LEKR1: variants seen among roughly 807,000 people sequenced by gnomAD.
LEKR1 encodes the protein protein LEKR1.
A neutral mutation model predicts 72.4 loss-of-function variants in LEKR1; 59 were observed. The observed-to-expected ratio is 0.82, with a 90% CI of 0.66 to 1.01. LEKR1 has a LOEUF of 1.01. Among genes scored for constraint, LEKR1 ranks in the 50% least tolerant of loss-of-function variants. LEKR1 has a pLI of 0.00. For synonymous variants in LEKR1, 257 were observed against 263.2 expected, an observed-to-expected ratio of 0.98 and a Z score of 0.23; for missense variants, 728 against 759.2, an observed-to-expected ratio of 0.96 and a Z score of 0.48.
chr3:156,858,588 C>G (rs912617887), intron 3 of LEKR1, among the ~76,000 whole-genome samples: 13 of 151,244 alleles, frequency 8.6e-5, no homozygotes, highest in African/African-American at 3.2e-4. Context: ...GTGGGAGAAT[C>G]GCTTGAACCT....
At chr3:156,871,329 G>A (rs1310326391) in intron 3 of LEKR1, among the ~76,000 whole-genome samples, 5 of 152,088 alleles carry the variant, frequency 3.3e-5, no homozygotes, top group African/African-American at 9.7e-5. Context: ...GTGTATATGT[G>A]CCACATTTTC....
intron 6 of LEKR1, among the ~76,000 whole-genome samples, chr3:156,953,509 A>C (rs933313082): frequency 6.6e-6 from 1 of 151,488 alleles, no homozygotes; most frequent in African/African-American, 2.4e-5. Flanking sequence ...TCCTCCCTTC[A>C]ACCCCCCAGT....
intron 9 of LEKR1, among the ~76,000 whole-genome samples, chr3:156,994,704 T>C (rs1401483721): frequency 6.6e-6 from 1 of 152,198 alleles, no homozygotes; most frequent in East Asian, 1.9e-4. Context: ...TTAAAATCAG[T>C]TATGTATTCT....
At chr3:156,925,313 G>A (rs1473721339) in intron 4 of LEKR1, 1 of 98,754 alleles carries the variant, frequency 1.0e-5, no homozygotes, top group Non-Finnish European at 2.3e-5. Flanking sequence ...TTGTGTGTGT[G>A]TGTGTGTGTG....
intron 9 of LEKR1, among the ~76,000 whole-genome samples, chr3:156,996,764 G>A (rs370524297): frequency 2.0e-5 from 3 of 152,140 alleles, no homozygotes; most frequent in African/African-American, 7.2e-5. Flanking sequence ...GTGAGCCTAA[G>A]GGTTAAAAAG....
chr3:156,971,321 C>T (rs1446992404), intron 6 of LEKR1, among the ~76,000 whole-genome samples: 4 of 152,134 alleles, frequency 2.6e-5, no homozygotes, highest in Admixed American at 2.0e-4. Flanking sequence ...CTTCCTTACA[C>T]CTTATACAAA....
intron 11 of LEKR1, 134 bp from the exon 12 acceptor site, chr3:157,027,969 G>C (rs1160190421): frequency 1.9e-6 from 1 of 525,592 alleles, no homozygotes; most frequent in African/African-American, 2.0e-5. Context: ...TTGAAGGCCT[G>C]CACATCATGG....
rs58950224 is a variant in LEKR1, at chr3:157,017,948, C to CAAAAAAAAAAAAAAAAAAAAAAAAA, written c.1203+6466_1203+6467insAAAAAAAAAAAAAAAAAAAAAAAAA. Among the ~76,000 whole-genome samples, 8 of 82,974 alleles carry CAAAAAAAAAAAAAAAAAAAAAAAAA rather than the reference C, an allele frequency of 9.6e-5. 1 individual carries two copies. Among genetic ancestry groups the CAAAAAAAAAAAAAAAAAAAAAAAAA allele is most frequent in the African/African-American group, 5.8e-4 (8 of 13,808 alleles). The allele number at this position is 82,974 out of a possible 152,430, so 54.4% of individuals were successfully genotyped here. On this transcript the variant is annotated intron_variant, in intron 10 of 12. Transcript: ENST00000356539. ...TGGGCCACAGAGCGAGACTCTGTCT[C>CAAAAAAAAAAAAAAAAAAAAAAAAA]AAAAAAAAAAAAAAAAAAAAAAAAG...
chr3:156,968,499 T>C (rs530128969), intron 6 of LEKR1, among the ~76,000 whole-genome samples: 49 of 152,186 alleles, frequency 3.2e-4, no homozygotes, highest in African/African-American at 1.1e-3. Context: ...AAACAAACTT[T>C]AAACCAACAA....
intron 12 of LEKR1, among the ~76,000 whole-genome samples, chr3:157,034,642 T>C (rs1220339099): frequency 1.3e-5 from 2 of 152,166 alleles, no homozygotes; most frequent in Non-Finnish European, 2.9e-5. Flanking sequence ...TGGAATATTA[T>C]ATAAAATTAG....
intron 3 of LEKR1, among the ~76,000 whole-genome samples, chr3:156,908,540 A>G (rs1722761805): frequency 6.6e-6 from 1 of 152,092 alleles, no homozygotes. Context: ...TGTTTTGGAC[A>G]TTAGTAGCTC....
intron 3 of LEKR1, among the ~76,000 whole-genome samples, chr3:156,892,052 A>T (rs940857919): frequency 3.3e-5 from 5 of 152,188 alleles, no homozygotes; most frequent in African/African-American, 1.2e-4. Flanking sequence ...ACCAAAAAAA[A>T]AAATCAGCAA....
intron 9 of LEKR1, 56 bp downstream of exon 9, chr3:156,993,333 T>A: frequency 8.7e-7 from 1 of 1,148,720 alleles, no homozygotes; most frequent in Non-Finnish European, 1.2e-6. Flanking sequence ...TAGTATTCCA[T>A]ATATATTTGC....
At chr3:156,836,063 G>A (rs1391185031) in intron 2 of LEKR1, among the ~76,000 whole-genome samples, 2 of 151,324 alleles carry the variant, frequency 1.3e-5, no homozygotes, top group African/African-American at 4.9e-5. Context: ...TAGTAGAGAG[G>A]GGCTTTCGTC....
chr3:157,007,424 A>G (rs1484539319), intron 9 of LEKR1, among the ~76,000 whole-genome samples: 2 of 152,228 alleles, frequency 1.3e-5, no homozygotes, highest in Non-Finnish European at 2.9e-5. Flanking sequence ...TACTGGAAGT[A>G]AAAAGAATCA....
At chr3:156,854,274 G>A (rs931422964) in intron 3 of LEKR1, among the ~76,000 whole-genome samples, 9 of 150,126 alleles carry the variant, frequency 6.0e-5, no homozygotes, top group African/African-American at 2.2e-4. Flanking sequence ...CTCACAAGTA[G>A]CTGGGATTAC....
At chr3:156,883,660 T>C (rs543717876) in intron 3 of LEKR1, among the ~76,000 whole-genome samples, 120 of 152,324 alleles carry the variant, frequency 7.9e-4, no homozygotes, top group African/African-American at 2.7e-3. Context: ...GATAGTTTTA[T>C]AAGGGGAAAC....
At chr3:156,988,974 G>A (rs1389867710) in intron 7 of LEKR1, among the ~76,000 whole-genome samples, 1 of 151,942 alleles carries the variant, frequency 6.6e-6, no homozygotes, top group Non-Finnish European at 1.5e-5. Context: ...TGAGATTACA[G>A]GTGCACACCA....
rs148892792 is a variant in LEKR1 at position 156,998,965 on chromosome 3, G to T, written c.1109+5688G>T. Among the ~76,000 whole-genome samples the T allele has an allele frequency of 2.5e-3, 387 of 152,296 alleles. 4 individuals are homozygous for T. Among genetic ancestry groups the T allele is most frequent in the African/African-American group, 8.8e-3 (365 of 41,570 alleles). On this transcript the variant is annotated intron_variant, in intron 9 of 12. Transcript: ENST00000356539. ...GTCATGGGAGGGACCCAGTGGTGGTGATTGAATCATGGGGGCAGTTACTCC... is the reference window on the plus strand; with the variant it reads ...GTCATGGGAGGGACCCAGTGGTGGTTATTGAATCATGGGGGCAGTTACTCC...
Sources: gnomAD v4.1 joint callset for allele counts (sites outside exome capture counted in the v4.1 genomes callset) on GRCh38, gnomAD v4.1.1 for gene constraint, MANE v1.5 for transcripts, NCBI Gene and HGNC (gene_info 2026-07-23, HGNC 2026-07-21) for gene names.